SYT2: variants seen among roughly 807,000 people sequenced by gnomAD.
SYT2 encodes synaptotagmin-2.
A neutral mutation model predicts 39.9 loss-of-function variants in SYT2; 15 were observed. That is an observed-to-expected ratio of 0.38 (90% CI 0.25 to 0.58). The LOEUF is 0.58. SYT2 is among the 20% of genes least tolerant of loss of function. The probability of loss-of-function intolerance (pLI) is 0.70; values close to 1 mark genes in which losing one functional copy is unlikely to be tolerated. For synonymous variants in SYT2, 181 were observed against 204.5 expected (o/e 0.89, Z 0.98); for missense variants, 389 against 530.3 (o/e 0.73, Z 2.62).
chr1:202,624,761 T>TA, intron 1 of SYT2, among the ~76,000 whole-genome samples: 1 of 11,344 alleles, frequency 8.8e-5, no homozygotes, highest in Middle Eastern at 0.031. Flanking sequence ...GTGTGGTGTG[T>TA]GTGTGGTGTG....
intron 1 of SYT2, among the ~76,000 whole-genome samples, chr1:202,699,916 G>A (rs1654070056): frequency 6.6e-6 from 1 of 151,980 alleles, no homozygotes; most frequent in Non-Finnish European, 1.5e-5. Flanking sequence ...CCCTCTCTGG[G>A]CCTTGTCTTT....
chr1:202,695,291 G>A (rs575786370), intron 1 of SYT2, among the ~76,000 whole-genome samples: 1 of 152,280 alleles, frequency 6.6e-6, no homozygotes, highest in East Asian at 1.9e-4. Context: ...GAACCCTTGG[G>A]AGGGCATCTG....
chr1:202,651,935 G>A (rs1235935687), intron 1 of SYT2, among the ~76,000 whole-genome samples: 3 of 152,192 alleles, frequency 2.0e-5, no homozygotes, highest in African/African-American at 7.2e-5. Context: ...GTGTGCACCT[G>A]TAGTCCCAGC....
intron 1 of SYT2, among the ~76,000 whole-genome samples, chr1:202,691,762 A>AGG (rs1653840017): frequency 7.5e-6 from 1 of 133,308 alleles, no homozygotes; most frequent in African/African-American, 2.8e-5. Context: ...AGAGAGAGAG[A>AGG]GAGAGAGAGA....
Position 202,637,267 on chromosome 1 carries a change from C to T in SYT2, c.-17-31478G>A, listed in dbSNP as rs977880976. Among the ~76,000 whole-genome samples, 6 of 150,558 alleles carry T rather than the reference C, an allele frequency of 4.0e-5. No homozygotes were observed. The Admixed American group carries it at 4.1e-4, about 10-fold the overall frequency. On this transcript the variant is annotated intron_variant, in intron 1 of 8. Coordinates refer to ENST00000367268, the MANE Select transcript of SYT2 (RefSeq NM_177402.5). Reference sequence around the variant, plus strand: ...GTGGGATGCTGAGGTGGGAGGATCACCTGAGCCTCGGGAAGTTGAGGCTGC... The same window carrying T: ...GTGGGATGCTGAGGTGGGAGGATCATCTGAGCCTCGGGAAGTTGAGGCTGC...
rs1382895380 is a variant in SYT2, at chr1:202,708,763, AC to A, written c.-18+1494del. On this transcript the variant is annotated intron_variant, in intron 1 of 8. Transcript: ENST00000367268. ...AGGCACGTCCCACTGCATCAGAGCC[AC>A]CCTGCCCCCTTCCACCTGCCACTCG... 5.3e-5 allele frequency among the ~76,000 whole-genome samples: 8 copies of A among 151,972 alleles called. No individual in the cohort carries two copies. In the East Asian group the frequency reaches 1.4e-3, roughly 26 times the overall value.
intron 1 of SYT2, among the ~76,000 whole-genome samples, chr1:202,618,436 G>A (rs758590555): frequency 2.5e-4 from 31 of 126,404 alleles, no homozygotes; most frequent in South Asian, 1.8e-3. Flanking sequence ...TGTGTACAGC[G>A]AGACCCCAAA....
intron 3 of SYT2, among the ~76,000 whole-genome samples, chr1:202,603,952 C>T (rs1690611078): frequency 6.6e-6 from 1 of 152,124 alleles, no homozygotes; most frequent in South Asian, 2.1e-4. Flanking sequence ...AAGGAGCTTT[C>T]TAGGCTGACC....
intron 5 of SYT2, 123 bp downstream of exon 5, chr1:202,602,255 T>A (rs1690532693): frequency 1.6e-6 from 2 of 1,273,802 alleles, no homozygotes; most frequent in Non-Finnish European, 2.2e-6. Context: ...GGGGTAGCCC[T>A]GCAGTCAAGG....
In SYT2 at chr1:202,596,286, CACACACACACACACACACACAT is replaced by C. The variant is rs1341250902; in HGVS notation, c.*449_*470del. 9.1e-3 allele frequency: 829 copies of C among 90,758 alleles called. 7 individuals are homozygous for C. Among genetic ancestry groups the C allele is most frequent in the Middle Eastern group, 0.013 (3 of 232 alleles). The allele number at this position is 90,758 out of a possible 1,614,324, so 5.6% of individuals were successfully genotyped here. A position where few individuals can be genotyped will look rare whatever the true frequency, so the allele number is the denominator to read the frequency against. ...GCTCAAAGACACACACACACACACA[CACACACACACACACACACACAT>C]ACACACACACACACACACACACACA... On this transcript the variant is annotated 3_prime_UTR_variant, in exon 9 of 9. Transcript: ENST00000367268.
chr1:202,630,552 T>C, intron 1 of SYT2: 1 of 199,760 alleles, frequency 5.0e-6, no homozygotes, highest in Non-Finnish European at 9.0e-6. Context: ...GACGTCCACC[T>C]GGGTGGGTGT....
At chr1:202,663,407 A>G (rs1044264376) in intron 1 of SYT2, among the ~76,000 whole-genome samples, 3 of 152,122 alleles carry the variant, frequency 2.0e-5, no homozygotes, top group Non-Finnish European at 1.5e-5. Flanking sequence ...CCAAGTACAC[A>G]ATACTTCCCC....
At chr1:202,607,002 T>A (rs1276410793) in intron 1 of SYT2, among the ~76,000 whole-genome samples, 2 of 152,222 alleles carry the variant, frequency 1.3e-5, no homozygotes, top group Non-Finnish European at 2.9e-5. Context: ...CATAATTTTT[T>A]TAGCCATTCC....
intron 1 of SYT2, among the ~76,000 whole-genome samples, chr1:202,672,016 A>T (rs892452601): frequency 6.6e-6 from 1 of 152,254 alleles, no homozygotes; most frequent in Admixed American, 6.5e-5. Context: ...TGTCAGGAAC[A>T]ACAGATAACA....
chr1:202,629,680 G>A (rs568288535), intron 1 of SYT2, among the ~76,000 whole-genome samples: 1 of 152,252 alleles, frequency 6.6e-6, no homozygotes, highest in East Asian at 1.9e-4. Context: ...GCCAGCCTGG[G>A]CAGCACAGTG....
chr1:202,648,420 G>A (rs1237635521), intron 1 of SYT2, among the ~76,000 whole-genome samples: 6 of 152,170 alleles, frequency 3.9e-5, no homozygotes, highest in South Asian at 2.1e-4. Context: ...GACCTCAAGC[G>A]ATCTGCCCAC....
At chr1:202,616,864 A>G (rs947548365) in intron 1 of SYT2, among the ~76,000 whole-genome samples, 1 of 152,148 alleles carries the variant, frequency 6.6e-6, no homozygotes, top group Non-Finnish European at 1.5e-5. Context: ...GAGTCAAGCC[A>G]CTTCCGAGCT....
intron 1 of SYT2, chr1:202,627,363 A>T: frequency 1.4e-6 from 1 of 719,080 alleles, no homozygotes; most frequent in Non-Finnish European, 1.7e-6. Flanking sequence ...GAGGTGGGGG[A>T]TCTCACCAGG....
At chr1:202,640,768 GAGAGAGAGAGAGAGAGAGAGAGAGAC>G (rs1691888257) in intron 1 of SYT2, among the ~76,000 whole-genome samples, 2 of 149,268 alleles carry the variant, frequency 1.3e-5, no homozygotes, top group Non-Finnish European at 3.0e-5. Context: ...GAGAGAGAGA[GAGAGAGAGAGAGAGAGAGAGAGAGAC>G]AGACAGACAG....
Sources: gnomAD v4.1 joint callset for allele counts (sites outside exome capture counted in the v4.1 genomes callset) on GRCh38, gnomAD v4.1.1 for gene constraint, MANE v1.5 for transcripts, NCBI Gene and HGNC (gene_info 2026-07-23, HGNC 2026-07-21) for gene names.